NT5C3A: variants seen among roughly 807,000 people sequenced by gnomAD.
NT5C3A encodes cytosolic 5'-nucleotidase 3A.
In NT5C3A, 23 loss-of-function variants were observed where a neutral mutation model predicts 40.0. The ratio of observed to expected loss-of-function variants is 0.58; its 90% CI spans 0.41 to 0.81. The LOEUF (loss-of-function observed/expected upper bound fraction) is 0.81, where lower values mean the gene tolerates loss of function less well. Among genes scored for constraint, NT5C3A ranks in the 40% least tolerant of loss-of-function variants. The pLI, the probability that NT5C3A is intolerant of heterozygous loss-of-function variation, is 0.00. For synonymous variants in NT5C3A, 130 were observed against 141.4 expected (o/e 0.92, Z 0.57); for missense variants, 328 against 403.0 (o/e 0.81, Z 1.59).
chr7:33,042,504 T>C (rs1230678190), intron 1 of NT5C3A, among the ~76,000 whole-genome samples: 2 of 152,176 alleles, frequency 1.3e-5, no homozygotes, highest in African/African-American at 4.8e-5. Flanking sequence ...TAATGAAGAC[T>C]CAAGGGCCAC....
intron 1 of NT5C3A, among the ~76,000 whole-genome samples, chr7:33,036,610 TG>T (rs1786619030): frequency 6.6e-6 from 1 of 152,122 alleles, no homozygotes; most frequent in East Asian, 1.9e-4. Context: ...AGTACATATT[TG>T]CAAAGAGCAC....
At chr7:33,018,623 C>T (rs1177297914) in intron 6 of NT5C3A, among the ~76,000 whole-genome samples, 2 of 151,870 alleles carry the variant, frequency 1.3e-5, no homozygotes, top group African/African-American at 2.4e-5. Flanking sequence ...GGCGGAGATG[C>T]GCAGATCACA....
intron 8 of NT5C3A, among the ~76,000 whole-genome samples, 170 bp downstream of exon 8, chr7:33,015,500 C>A (rs1324346903): frequency 6.6e-6 from 1 of 152,062 alleles, no homozygotes; most frequent in African/African-American, 2.4e-5. Context: ...AAGGTCGAGG[C>A]TGCAGTGAGA....
chr7:33,022,190 A>C lies in NT5C3A; in HGVS notation c.308-91T>G, dbSNP rs925396897. ...TAATTTGCTATAAAGTAATGGCAAA[A>C]AACTCAATTACTTTTGCACCAACCC... On this transcript the variant is annotated intron_variant, in intron 3 of 8. Coordinates refer to ENST00000610140, the MANE Select transcript of NT5C3A (RefSeq NM_001002010.5). The C allele has an allele frequency of 4.9e-5, 36 of 730,816 alleles. No homozygotes were observed. The Admixed American group carries it at 6.7e-4, about 14-fold the overall frequency. 45.3% of individuals were successfully genotyped at this position (730,816 alleles called of 1,614,324 possible). A position where few individuals can be genotyped will look rare whatever the true frequency, so the allele number is the denominator to read the frequency against.
intron 1 of NT5C3A, among the ~76,000 whole-genome samples, chr7:33,032,830 T>C (rs1004455985): frequency 4.6e-5 from 7 of 152,148 alleles, no homozygotes; most frequent in Admixed American, 2.0e-4. Context: ...CACAGCTCAC[T>C]GCAGACTTGA....
intron 1 of NT5C3A, among the ~76,000 whole-genome samples, chr7:33,060,872 G>A (rs1787748469): frequency 6.6e-6 from 1 of 152,012 alleles, no homozygotes. Context: ...TTAACATGAA[G>A]CTCTTTTCAC....
intron 1 of NT5C3A, among the ~76,000 whole-genome samples, chr7:33,032,392 A>G (rs1490924716): frequency 7.0e-6 from 1 of 143,712 alleles, no homozygotes; most frequent in Non-Finnish European, 1.5e-5. Flanking sequence ...ACTGCACTCC[A>G]AGCCTGGGTG....
chr7:33,015,955 C>T (rs997790894), intron 7 of NT5C3A, 85 bp from the exon 8 acceptor site: 27 of 874,422 alleles, frequency 3.1e-5, no homozygotes, highest in African/African-American at 6.7e-5. Context: ...ATTGATGTCA[C>T]TATTATTTCA....
At chr7:33,048,849 C>G (rs1432810543) in intron 1 of NT5C3A, among the ~76,000 whole-genome samples, 3 of 152,104 alleles carry the variant, frequency 2.0e-5, no homozygotes, top group African/African-American at 7.2e-5. Flanking sequence ...TATGACATCA[C>G]CAAACATTCT....
chr7:33,053,563 A>AG (rs77141376), intron 1 of NT5C3A, among the ~76,000 whole-genome samples: 109,786 of 151,650 alleles, frequency 0.72, 39,997 homozygotes, highest in African/African-American at 0.78. Flanking sequence ...TGGGAGGCTG[A>AG]GGGGGGAAGA....
rs1371571337 is a variant in NT5C3A, at chr7:33,017,583, G to C, written c.549C>G (p.Phe183Leu). Residue 183 changes from phenylalanine (F) to leucine (L), a missense_variant, in exon 7 of 9, where the codon TTC becomes TTG. By Grantham distance (22) the Phe-to-Leu change is conservative. Around this residue, in one of 3 missense-constraint regions of NT5C3A, gnomAD observed 280 missense variants for 317.2 expected, o/e 0.88. Coordinates refer to ENST00000610140, the MANE Select transcript of NT5C3A (RefSeq NM_001002010.5). Reference sequence around the variant, plus strand: ...TGCTATGTTGTTGGAGCTTATCAAAGAAATTCTCATATCCTTCTCTGTAAG... The same window carrying C: ...TGCTATGTTGTTGGAGCTTATCAAACAAATTCTCATATCCTTCTCTGTAAG... ...DVMLKEGYEN[F>L]FDKLQQHSIP... 1 of 1,613,512 alleles carries C rather than the reference G, an allele frequency of 6.2e-7. No homozygotes were observed. The highest frequency in any genetic ancestry group is 1.7e-5 in the Admixed American group (1 of 59,998).
intron 6 of NT5C3A, among the ~76,000 whole-genome samples, chr7:33,019,107 T>C (rs775768393): frequency 6.6e-6 from 1 of 151,496 alleles, no homozygotes; most frequent in Non-Finnish European, 1.5e-5. Context: ...ATACAAAAAT[T>C]AGCCAGGCAT....
Position 33,062,736 on chromosome 7 carries a change from A to T in NT5C3A, c.-31T>A. On this transcript the variant is annotated 5_prime_UTR_variant, in exon 1 of 9. Transcript: ENST00000610140. Reference sequence around the variant, plus strand: ...GGGCCCTCATGCGCGTCCAAGCAGGAAAAAAACAGGCAGCTCGCGTAGACT... The same window carrying T: ...GGGCCCTCATGCGCGTCCAAGCAGGTAAAAAACAGGCAGCTCGCGTAGACT... 1 of 1,551,102 alleles carries T rather than the reference A, an allele frequency of 6.4e-7. No individual in the cohort carries two copies. Among genetic ancestry groups the T allele is most frequent in the Non-Finnish European group, 8.7e-7 (1 of 1,147,588 alleles).
chr7:33,040,957 G>A (rs911847694), intron 1 of NT5C3A: 1 of 985,234 alleles, frequency 1.0e-6, no homozygotes, highest in African/African-American at 1.7e-5. Flanking sequence ...TGCAACTGAG[G>A]GCGGTTCCAA....
intron 1 of NT5C3A, among the ~76,000 whole-genome samples, chr7:33,032,008 C>T (rs1786289018): frequency 6.6e-6 from 1 of 151,770 alleles, no homozygotes; most frequent in Admixed American, 6.6e-5. Flanking sequence ...GCCTGTAATC[C>T]CAGCTACTCT....
chr7:33,018,411 T>A (rs963466943), intron 6 of NT5C3A, among the ~76,000 whole-genome samples: 3 of 152,072 alleles, frequency 2.0e-5, no homozygotes, highest in African/African-American at 4.8e-5. Flanking sequence ...ATGAAACACT[T>A]ACTAGCTGTC....
Position 33,062,776 on chromosome 7 carries a change from C to A in NT5C3A, c.-71G>T. On this transcript the variant is annotated 5_prime_UTR_variant, in exon 1 of 9. Coordinates refer to ENST00000610140, the MANE Select transcript of NT5C3A (RefSeq NM_001002010.5). ...TCGCGTAGACTGCGAGTCTCGGAAG[C>A]GCGGGATCCCAGAGCATCACGGACG... 2 of 1,547,294 alleles carry A rather than the reference C, an allele frequency of 1.3e-6. No homozygotes were observed. The highest frequency in any genetic ancestry group is 1.2e-5 in the South Asian group (1 of 83,990).
At chr7:33,046,610 A>G (rs1187357363) in intron 1 of NT5C3A, among the ~76,000 whole-genome samples, 2 of 152,194 alleles carry the variant, frequency 1.3e-5, no homozygotes, top group Non-Finnish European at 2.9e-5. Flanking sequence ...AACATGAACT[A>G]TATCTTTTTT....
chr7:33,056,353 C>T (rs1020444515), intron 1 of NT5C3A, among the ~76,000 whole-genome samples: 1 of 151,172 alleles, frequency 6.6e-6, no homozygotes, highest in East Asian at 1.9e-4. Context: ...TTTTAAAAGT[C>T]TGTCCAGGTA....
Sources: allele counts gnomAD v4.1 joint callset (sites outside exome capture counted in the v4.1 genomes callset), GRCh38; gene constraint gnomAD v4.1.1; regional missense constraint gnomAD v4.1.1; transcripts MANE v1.5; gene names NCBI Gene and HGNC (gene_info 2026-07-23, HGNC 2026-07-21).